Variants in NKIRAS1 observed in about 807,000 individuals in gnomAD.
NKIRAS1 encodes NFKB inhibitor interacting Ras like 1, also known as NF-kappa-B inhibitor-interacting Ras-like protein 1.
Under a neutral mutation model 19.8 loss-of-function variants are expected in NKIRAS1, and 16 were observed. That is an observed-to-expected ratio of 0.81 (90% CI 0.55 to 1.23). The LOEUF is 1.23. NKIRAS1 is among the 50% of genes most tolerant of loss of function. NKIRAS1 has a pLI of 0.00. For synonymous variants in NKIRAS1, 88 were observed against 79.0 expected, an observed-to-expected ratio of 1.11 and a Z score of -0.61; for missense variants, 184 against 220.0, an observed-to-expected ratio of 0.84 and a Z score of 1.04.
In NKIRAS1 at chr3:23,943,395, C is replaced by CT. The variant is rs543025913; in HGVS notation, c.-140+2927dup. 2.6e-4 allele frequency among the ~76,000 whole-genome samples: 39 copies of CT among 152,260 alleles called. 1 individual carries two copies. The South Asian group carries it at 8.1e-3, about 32-fold the overall frequency. On this transcript the variant is annotated intron_variant, in intron 1 of 4. Transcript: ENST00000421515. ...TTACAGGCATGCGCCACCACCCCGG[C>CT]TAATTTTGTATTTTTAGTAGAGATG...
intron 4 of NKIRAS1, among the ~76,000 whole-genome samples, chr3:23,895,424 A>G (rs1306287139): frequency 9.2e-5 from 14 of 151,954 alleles, no homozygotes; most frequent in Non-Finnish European, 1.9e-4. Flanking sequence ...CAAACACCAC[A>G]AGGACGTACA....
chr3:23,939,844 G>A (rs552920248), intron 1 of NKIRAS1, among the ~76,000 whole-genome samples: 2 of 152,202 alleles, frequency 1.3e-5, no homozygotes, highest in Admixed American at 6.5e-5. Context: ...TCCATTAAAT[G>A]TGAAAGTTTA....
intron 1 of NKIRAS1, among the ~76,000 whole-genome samples, chr3:23,942,989 C>A (rs1362948875): frequency 6.6e-6 from 1 of 152,064 alleles, no homozygotes; most frequent in South Asian, 2.1e-4. Context: ...TACCTGGGCT[C>A]ATTGATCCTT....
At chr3:23,905,588 T>C (rs774839732) in intron 3 of NKIRAS1, among the ~76,000 whole-genome samples, 25 of 152,136 alleles carry the variant, frequency 1.6e-4, no homozygotes, top group Admixed American at 5.2e-4. Context: ...AAAACTAATA[T>C]GTAATCATAG....
chr3:23,891,378 C>T lies in NKIRAS1; in HGVS notation c.*1717G>A, dbSNP rs1357035569. The T allele has an allele frequency of 6.6e-6, 1 of 152,144 alleles. No homozygotes were observed. The highest frequency in any genetic ancestry group is 1.5e-5 in the Non-Finnish European group (1 of 68,020). 9.4% of individuals were successfully genotyped at this position (152,144 alleles called of 1,614,324 possible). On this transcript the variant is annotated 3_prime_UTR_variant, in exon 5 of 5. Transcript: ENST00000425478. ...TGCCATTCGCAGATTCTTCTGAAATCGATAGGTATCTGCTTCTAAAACAAG... is the reference window on the plus strand; with the variant it reads ...TGCCATTCGCAGATTCTTCTGAAATTGATAGGTATCTGCTTCTAAAACAAG...
At chr3:23,905,937 T>A (rs905696050) in intron 3 of NKIRAS1, among the ~76,000 whole-genome samples, 1 of 151,996 alleles carries the variant, frequency 6.6e-6, no homozygotes, top group African/African-American at 2.4e-5. Flanking sequence ...GGCAGGCAGA[T>A]TGCTTGAGGC....
intron 1 of NKIRAS1, among the ~76,000 whole-genome samples, chr3:23,941,355 A>T (rs1223231424): frequency 6.6e-6 from 1 of 152,130 alleles, no homozygotes; most frequent in Non-Finnish European, 1.5e-5. Context: ...TCATATCTAG[A>T]TGGACCTATC....
chr3:23,939,016 C>A (rs1401670206), intron 1 of NKIRAS1, among the ~76,000 whole-genome samples: 1 of 152,208 alleles, frequency 6.6e-6, no homozygotes, highest in Non-Finnish European at 1.5e-5. Context: ...TGCCAAGAGA[C>A]CCTGAGCCAG....
At chr3:23,945,633 G>A (rs757183043) in intron 1 of NKIRAS1, 3 of 1,168,658 alleles carry the variant, frequency 2.6e-6, no homozygotes, top group Middle Eastern at 3.4e-4. Flanking sequence ...ATGGCCGGAG[G>A]GAGCGCTCAG....
At chr3:23,931,261 T>G (rs940373809) in intron 1 of NKIRAS1, among the ~76,000 whole-genome samples, 1 of 152,186 alleles carries the variant, frequency 6.6e-6, no homozygotes, top group African/African-American at 2.4e-5. Flanking sequence ...TGTTTCTGAT[T>G]TCATTTCCTA....
Position 23,893,062 on chromosome 3 carries a change from T to G in NKIRAS1, c.*33A>C. 5 of 1,522,994 alleles carry G rather than the reference T, an allele frequency of 3.3e-6. No individual in the cohort carries two copies. The highest frequency in any genetic ancestry group is 4.4e-6 in the Non-Finnish European group (5 of 1,138,648). 94.3% of individuals were successfully genotyped at this position (1,522,994 alleles called of 1,614,324 possible). A position where few individuals can be genotyped will look rare whatever the true frequency, so the allele number is the denominator to read the frequency against. On this transcript the variant is annotated 3_prime_UTR_variant, in exon 5 of 5. Transcript: ENST00000425478. ...TTCACAGACACTTAAAGGCAATCAC[T>G]ATTCAACATACAATTGTGGAAATTA...
chr3:23,892,416 G>C lies in NKIRAS1; in HGVS notation c.*679C>G, dbSNP rs887453597. The C allele has an allele frequency of 6.6e-6, 1 of 152,200 alleles. No individual in the cohort carries two copies. Among genetic ancestry groups the C allele is most frequent in the Admixed American group, 6.5e-5 (1 of 15,276 alleles). 9.4% of individuals were successfully genotyped at this position (152,200 alleles called of 1,614,324 possible). On this transcript the variant is annotated 3_prime_UTR_variant, in exon 5 of 5. Coordinates refer to ENST00000425478, the MANE Select transcript of NKIRAS1 (RefSeq NM_020345.4). ...TCATTTTCAAGAGGAGGAGCAAACAGTTTGCCCTCAAGTATCTGGTCTATC... is the reference window on the plus strand; with the variant it reads ...TCATTTTCAAGAGGAGGAGCAAACACTTTGCCCTCAAGTATCTGGTCTATC...
exon 1 of NKIRAS1, chr3:23,946,355 G>A: frequency 1.1e-6 from 1 of 938,652 alleles, no homozygotes; most frequent in Non-Finnish European, 1.3e-6. Context: ...TGCAGGACGA[G>A]GGCGTGCTGC....
chr3:23,900,460 C>G (rs1303612078), intron 4 of NKIRAS1, among the ~76,000 whole-genome samples: 1 of 151,934 alleles, frequency 6.6e-6, no homozygotes, highest in Non-Finnish European at 1.5e-5. Flanking sequence ...CGCGGTAATA[C>G]CCTGTCTCCA....
In NKIRAS1 at chr3:23,926,885, G is replaced by C. The variant is rs1180563766; in HGVS notation, c.-139-15435C>G. Among the ~76,000 whole-genome samples the C allele has an allele frequency of 6.6e-6, 1 of 152,136 alleles. No individual in the cohort carries two copies. Among genetic ancestry groups the C allele is most frequent in the Non-Finnish European group, 1.5e-5 (1 of 68,020 alleles). On this transcript the variant is annotated intron_variant, in intron 1 of 4. Coordinates refer to the NKIRAS1 transcript ENST00000421515. The surrounding 1 kb of genome is among the most constrained non-coding windows in gnomAD (Gnocchi z 4.3). ...CATTCAGAGAAGAAACAATTCTTTG[G>C]ATTTGTCCTAGAAGGATCAAGCTGG...
At chr3:23,895,473 C>A (rs11718625) in intron 4 of NKIRAS1, among the ~76,000 whole-genome samples, 21,803 of 152,084 alleles carry the variant, frequency 0.14, 1,648 homozygotes, top group Non-Finnish European at 0.17. Context: ...GTCCTTCCAC[C>A]CCACTCATGT....
chr3:23,902,713 C>G (rs1311398467), intron 3 of NKIRAS1, among the ~76,000 whole-genome samples: 1 of 152,116 alleles, frequency 6.6e-6, no homozygotes, highest in East Asian at 1.9e-4. Flanking sequence ...TCTAGATTTC[C>G]TCTCCCACTC....
chr3:23,918,631 G>T, upstream of NKIRAS1: 1 of 1,575,650 alleles, frequency 6.3e-7, no homozygotes, highest in South Asian at 1.1e-5. Flanking sequence ...TGGTGGGAGA[G>T]AGAGATTAAG....
chr3:23,918,854 T>G, upstream of NKIRAS1: 1 of 503,488 alleles, frequency 2.0e-6, no homozygotes, highest in Admixed American at 3.8e-5. Flanking sequence ...AAATATATAC[T>G]AAATATTTTT....
Sources: gnomAD v4.1 joint callset for allele counts (sites outside exome capture counted in the v4.1 genomes callset) on GRCh38, gnomAD v4.1.1 for gene constraint, Gnocchi (gnomAD v3.1) non-coding constraint, MANE v1.5 for transcripts, NCBI Gene and HGNC (gene_info 2026-07-23, HGNC 2026-07-21) for gene names.